FSTL5: variants seen among roughly 807,000 people sequenced by gnomAD.
FSTL5 encodes the protein follistatin like 5.
In FSTL5, 62 loss-of-function variants were observed where a neutral mutation model predicts 89.1. That is an observed-to-expected ratio of 0.70 (90% CI 0.57 to 0.86). The LOEUF (loss-of-function observed/expected upper bound fraction) is 0.86, where lower values mean the gene tolerates loss of function less well. Among genes scored for constraint, FSTL5 ranks in the 40% least tolerant of loss-of-function variants. FSTL5 has a pLI of 0.00. For missense variants in FSTL5, 1,057 were observed against 1,001.6 expected, an observed-to-expected ratio of 1.06 and a Z score of -0.75; for synonymous variants, 383 against 346.2, an observed-to-expected ratio of 1.11 and a Z score of -1.18.
intron 13 of FSTL5, among the ~76,000 whole-genome samples, chr4:161,465,091 A>G (rs141210107): frequency 6.5e-4 from 99 of 152,298 alleles, no homozygotes; most frequent in African/African-American, 2.2e-3. Context: ...TCAAGACACT[A>G]GAGTTCACTA....
intron 7 of FSTL5, among the ~76,000 whole-genome samples, chr4:161,622,904 A>T (rs1010341558): frequency 6.6e-6 from 1 of 152,066 alleles, no homozygotes. Flanking sequence ...TGTGAAGGAC[A>T]TCAGAACAAT....
intron 3 of FSTL5, among the ~76,000 whole-genome samples, chr4:162,011,758 A>C (rs1736775334): frequency 1.3e-5 from 2 of 152,086 alleles, no homozygotes; most frequent in South Asian, 4.1e-4. Context: ...CGGCCTCCCA[A>C]AGTGCTGGGA....
chr4:161,580,912 A>G (rs954013965), intron 8 of FSTL5, among the ~76,000 whole-genome samples: 2 of 152,092 alleles, frequency 1.3e-5, no homozygotes, highest in African/African-American at 4.8e-5. Context: ...AGGGATATTC[A>G]CCATAGATGA....
chr4:161,692,474 C>A (rs914962859), intron 6 of FSTL5, among the ~76,000 whole-genome samples: 24 of 152,044 alleles, frequency 1.6e-4, no homozygotes, highest in Non-Finnish European at 1.2e-4. Context: ...CAGGTTTGGA[C>A]CCTAACCCTT....
chr4:162,052,358 G>T (rs555374870), intron 2 of FSTL5, among the ~76,000 whole-genome samples: 1 of 151,700 alleles, frequency 6.6e-6, no homozygotes, highest in Non-Finnish European at 1.5e-5. Context: ...TGCTTTTGTA[G>T]ATGATTTCAG....
At chr4:162,012,459 A>G (rs1298453079) in intron 3 of FSTL5, among the ~76,000 whole-genome samples, 5 of 152,200 alleles carry the variant, frequency 3.3e-5, no homozygotes, top group Non-Finnish European at 2.9e-5. Flanking sequence ...CTGAATAGAA[A>G]ATTACAGTGA....
intron 15 of FSTL5, among the ~76,000 whole-genome samples, chr4:161,414,885 C>T (rs1445739118): frequency 3.9e-5 from 6 of 152,198 alleles, no homozygotes; most frequent in African/African-American, 1.2e-4. Context: ...TCTCCTATGT[C>T]TTAGTTTGTG....
At chr4:161,729,161 T>A (rs1739517503) in intron 6 of FSTL5, among the ~76,000 whole-genome samples, 2 of 152,232 alleles carry the variant, frequency 1.3e-5, no homozygotes, top group Admixed American at 1.3e-4. Flanking sequence ...TCAGTAACAC[T>A]GAACCCTTAC....
chr4:161,628,848 T>A (rs942109480), intron 7 of FSTL5, among the ~76,000 whole-genome samples: 1 of 152,216 alleles, frequency 6.6e-6, no homozygotes, highest in African/African-American at 2.4e-5. Flanking sequence ...CTGGCTGTAC[T>A]ATGAAAGTCA....
chr4:161,530,946 G>A (rs1199459981), intron 10 of FSTL5, among the ~76,000 whole-genome samples: 1 of 152,074 alleles, frequency 6.6e-6, no homozygotes, highest in Non-Finnish European at 1.5e-5. Flanking sequence ...AATAAATAAT[G>A]TGTTACCTCT....
intron 3 of FSTL5, among the ~76,000 whole-genome samples, chr4:161,939,974 C>T (rs1430187772): frequency 6.6e-6 from 1 of 151,712 alleles, no homozygotes; most frequent in Admixed American, 6.6e-5. Context: ...AAAAACTTTG[C>T]TACATTTTTA....
At chr4:161,980,808 ACT>A (rs1397535383) in intron 3 of FSTL5, among the ~76,000 whole-genome samples, 1 of 116,070 alleles carries the variant, frequency 8.6e-6, no homozygotes, top group South Asian at 2.6e-4. Flanking sequence ...ACAGAGTCTC[ACT>A]CTGTCACCCA....
At chr4:162,106,561 T>C (rs747611100) in intron 2 of FSTL5, among the ~76,000 whole-genome samples, 7 of 152,004 alleles carry the variant, frequency 4.6e-5, no homozygotes, top group Non-Finnish European at 1.5e-5. Flanking sequence ...AGGGGTTAAA[T>C]TGGGATGGAA....
chr4:162,088,160 G>T (rs1163648609), intron 2 of FSTL5, among the ~76,000 whole-genome samples: 3 of 151,792 alleles, frequency 2.0e-5, no homozygotes. Flanking sequence ...GCAAGTTAAA[G>T]TTTAGCAATA....
intron 1 of FSTL5, among the ~76,000 whole-genome samples, chr4:162,119,504 T>G (rs2111428971): frequency 6.6e-6 from 1 of 152,358 alleles, no homozygotes. Context: ...GGTAATTTTT[T>G]CAGTTCTTTT....
chr4:161,948,292 G>GA (rs34074683), intron 3 of FSTL5, among the ~76,000 whole-genome samples: 1,311 of 113,718 alleles, frequency 0.012, 17 homozygotes, highest in African/African-American at 0.037. Flanking sequence ...CTAAAGAAAT[G>GA]AAAAAAAAAA....
At chr4:162,093,559 A>G (rs181510372) in intron 2 of FSTL5, among the ~76,000 whole-genome samples, 1 of 152,316 alleles carries the variant, frequency 6.6e-6, no homozygotes, top group Admixed American at 6.5e-5. Flanking sequence ...TCTTTAAAAA[A>G]TACACAAATA....
At chr4:161,812,879 CAAAAAAAAAAA>C (rs35183730) in intron 4 of FSTL5, among the ~76,000 whole-genome samples, 23 of 41,562 alleles carry the variant, frequency 5.5e-4, no homozygotes, top group South Asian at 4.7e-3. Context: ...TAAATCCCAG[CAAAAAAAAAAA>C]AAAAAAAAAA....
At chr4:161,450,458 C>T (rs1353439664) in intron 15 of FSTL5, among the ~76,000 whole-genome samples, 1 of 152,046 alleles carries the variant, frequency 6.6e-6, no homozygotes, top group African/African-American at 2.4e-5. Flanking sequence ...AACTGTTTCA[C>T]CAAATCTCCT....
Sources: allele counts gnomAD v4.1 joint callset (sites outside exome capture counted in the v4.1 genomes callset), GRCh38; gene constraint gnomAD v4.1.1; transcripts MANE v1.5; gene names NCBI Gene and HGNC (gene_info 2026-07-23, HGNC 2026-07-21).